Variants in ADGRL2 observed in about 807,000 individuals in gnomAD.
ADGRL2 encodes the protein adhesion G protein-coupled receptor L2.
A neutral mutation model predicts 157.4 loss-of-function variants in ADGRL2; 44 were observed. The ratio of observed to expected loss-of-function variants is 0.28; its 90% CI spans 0.22 to 0.36. The LOEUF is 0.36. Ranked by LOEUF, ADGRL2 falls within the 10% of genes least tolerant of loss-of-function variation. The pLI is 1.00. For missense variants in ADGRL2, 1,510 were observed against 1,768.9 expected, an observed-to-expected ratio of 0.85 and a Z score of 2.63; for synonymous variants, 585 against 624.7, an observed-to-expected ratio of 0.94 and a Z score of 0.95.
In ADGRL2 at chr1:81,596,429, G is replaced by C. The variant is rs544126411; in HGVS notation, c.-143+15449G>C. 228 of 462,620 alleles carry C rather than the reference G, an allele frequency of 4.9e-4. 5 individuals carry two copies. Among genetic ancestry groups the C allele is most frequent in the South Asian group, 3.8e-3 (222 of 57,724 alleles). The allele number at this position is 462,620 out of a possible 1,614,324, so 28.7% of individuals were successfully genotyped here. On this transcript the variant is annotated intron_variant, in intron 3 of 24. Transcript: ENST00000370721. ...CCTTCTCCAGAGATTTTACATTGCA[G>C]CTCGTTAGAGTGATTCGAATTCAGT...
chr1:81,951,819 G>A, intron 8 of ADGRL2, 138 bp from the exon 9 acceptor site: 1 of 509,248 alleles, frequency 2.0e-6, no homozygotes, highest in Non-Finnish European at 3.4e-6. Context: ...TAAGACGAAG[G>A]GAAAGTCATC....
At chr1:81,363,470 G>A (rs994402375) in intron 1 of ADGRL2, among the ~76,000 whole-genome samples, 1 of 152,000 alleles carries the variant, frequency 6.6e-6, no homozygotes. Context: ...CTCCCTCTGT[G>A]GGACTACAGG....
At chr1:81,601,358 T>G (rs188783586) in intron 3 of ADGRL2, among the ~76,000 whole-genome samples, 19 of 152,294 alleles carry the variant, frequency 1.2e-4, no homozygotes, top group Non-Finnish European at 1.2e-4. Flanking sequence ...TAATGCACAA[T>G]TGTATGCTGA....
chr1:81,422,882 T>C (rs545067569), intron 1 of ADGRL2, among the ~76,000 whole-genome samples: 2 of 152,360 alleles, frequency 1.3e-5, no homozygotes, highest in African/African-American at 4.8e-5. Context: ...TCCCAAAACA[T>C]ACACAATGTA....
chr1:81,725,411 C>A (rs1315310216), intron 1 of ADGRL2, among the ~76,000 whole-genome samples: 1 of 149,586 alleles, frequency 6.7e-6, no homozygotes, highest in Non-Finnish European at 1.5e-5. Context: ...TGGTAGCAGG[C>A]GCCTGTAATC....
intron 2 of ADGRL2, among the ~76,000 whole-genome samples, chr1:81,900,461 G>A (rs142919902): frequency 6.6e-6 from 1 of 152,018 alleles, no homozygotes; most frequent in African/African-American, 2.4e-5. Flanking sequence ...CTGCCATGAA[G>A]AGCTGACATG....
chr1:81,762,542 C>A (rs1447592924), intron 2 of ADGRL2, among the ~76,000 whole-genome samples: 1 of 152,114 alleles, frequency 6.6e-6, no homozygotes, highest in African/African-American at 2.4e-5. Flanking sequence ...GAAGTTATTA[C>A]TGTCTCCTAT....
intron 1 of ADGRL2, among the ~76,000 whole-genome samples, chr1:81,322,309 CA>C (rs1314037983): frequency 6.6e-6 from 1 of 151,292 alleles, no homozygotes; most frequent in Non-Finnish European, 1.5e-5. Context: ...TGAATGTGAT[CA>C]AAGTAAATAT....
chr1:81,318,777 A>G (rs1660283165), intron 1 of ADGRL2, among the ~76,000 whole-genome samples: 1 of 152,094 alleles, frequency 6.6e-6, no homozygotes. Context: ...TACTGGAGTC[A>G]TAAAATTCAG....
chr1:81,629,899 T>A (rs1011853512), intron 3 of ADGRL2, among the ~76,000 whole-genome samples: 24 of 151,976 alleles, frequency 1.6e-4, no homozygotes, highest in Admixed American at 7.2e-4. Flanking sequence ...CCTAATTTTT[T>A]ATTAATCCTT....
chr1:81,880,696 A>ACG (rs1442523460), intron 2 of ADGRL2, among the ~76,000 whole-genome samples: 1 of 146,768 alleles, frequency 6.8e-6, no homozygotes, highest in Non-Finnish European at 1.5e-5. Context: ...TCCAGTGCAC[A>ACG]CGCGGGCCCT....
intron 3 of ADGRL2, among the ~76,000 whole-genome samples, chr1:81,921,228 T>A (rs2094970633): frequency 1.3e-5 from 2 of 152,172 alleles, no homozygotes; most frequent in South Asian, 4.1e-4. Flanking sequence ...CCATGATTCC[T>A]TATGTAGAAT....
At chr1:81,820,225 T>A (rs551696587) in intron 1 of ADGRL2, among the ~76,000 whole-genome samples, 1 of 152,188 alleles carries the variant, frequency 6.6e-6, no homozygotes, top group African/African-American at 2.4e-5. Flanking sequence ...TAAATGCTTA[T>A]CATCGATTAT....
intron 2 of ADGRL2, among the ~76,000 whole-genome samples, chr1:81,529,455 T>C (rs1277394495): frequency 6.6e-6 from 1 of 152,242 alleles, no homozygotes; most frequent in African/African-American, 2.4e-5. Flanking sequence ...GGAATAATTG[T>C]GTTATCTGTT....
chr1:81,695,201 A>C (rs56293854), upstream of ADGRL2, among the ~76,000 whole-genome samples: 2,677 of 152,102 alleles, frequency 0.018, 33 homozygotes, highest in South Asian at 0.054. Flanking sequence ...ACCGTCCTTT[A>C]ATTCTGTGCT....
chr1:81,552,641 A>G (rs967759213), intron 2 of ADGRL2, among the ~76,000 whole-genome samples: 4 of 151,676 alleles, frequency 2.6e-5, no homozygotes, highest in African/African-American at 9.7e-5. Flanking sequence ...AGAAAGAAAA[A>G]GAACCCCCCA....
intron 2 of ADGRL2, among the ~76,000 whole-genome samples, chr1:81,469,848 T>G (rs550425499): frequency 1.1e-4 from 16 of 152,318 alleles, no homozygotes; most frequent in Middle Eastern, 3.4e-3. Flanking sequence ...TCAGTGTGCT[T>G]CTTAAACACA....
At chr1:81,568,838 A>G (rs1198372190) in intron 2 of ADGRL2, among the ~76,000 whole-genome samples, 1 of 152,100 alleles carries the variant, frequency 6.6e-6, no homozygotes, top group African/African-American at 2.4e-5. Context: ...ACCCAAGAAC[A>G]TTTTTACCTA....
chr1:81,901,582 ATT>A (rs959598559), intron 2 of ADGRL2, among the ~76,000 whole-genome samples: 16 of 144,242 alleles, frequency 1.1e-4, no homozygotes, highest in Admixed American at 2.8e-4. Flanking sequence ...ATATATATAT[ATT>A]TTTTTTTTTG....
Sources: allele counts gnomAD v4.1 joint callset (sites outside exome capture counted in the v4.1 genomes callset), GRCh38; gene constraint gnomAD v4.1.1; transcripts MANE v1.5; gene names NCBI Gene and HGNC (gene_info 2026-07-23, HGNC 2026-07-21).